TMEM163: variants seen among roughly 807,000 people sequenced by gnomAD.
TMEM163 encodes the protein transmembrane protein 163.
Under a neutral mutation model 29.3 loss-of-function variants are expected in TMEM163, and 17 were observed. The ratio of observed to expected loss-of-function variants is 0.58; its 90% CI spans 0.40 to 0.87. The LOEUF (loss-of-function observed/expected upper bound fraction) is 0.87. Among genes scored for constraint, TMEM163 ranks in the 40% least tolerant of loss-of-function variants. The pLI, the probability that TMEM163 is intolerant of heterozygous loss-of-function variation, is 0.00. For missense variants in TMEM163, 303 were observed against 381.5 expected, an observed-to-expected ratio of 0.79 and a Z score of 1.71; for synonymous variants, 157 against 160.6, an observed-to-expected ratio of 0.98 and a Z score of 0.17.
At chr2:134,513,694 T>C (rs1168558173) in intron 4 of TMEM163, among the ~76,000 whole-genome samples, 1 of 152,166 alleles carries the variant, frequency 6.6e-6, no homozygotes, top group Non-Finnish European at 1.5e-5. Context: ...TCCCGCTTCA[T>C]GGGTAATGGG....
At chr2:134,592,253 A>G (rs537092027) in intron 2 of TMEM163, among the ~76,000 whole-genome samples, 1 of 152,354 alleles carries the variant, frequency 6.6e-6, no homozygotes, top group East Asian at 1.9e-4. Context: ...GAGAATAGAT[A>G]GTAAAAGTCT....
intron 5 of TMEM163, among the ~76,000 whole-genome samples, chr2:134,488,637 T>C (rs1679365925): frequency 6.6e-6 from 1 of 152,168 alleles, no homozygotes; most frequent in Non-Finnish European, 1.5e-5. Flanking sequence ...TAGCATGTGA[T>C]CATGTGAGTC....
At chr2:134,673,411 A>G (rs574231878) in intron 2 of TMEM163, among the ~76,000 whole-genome samples, 1 of 152,226 alleles carries the variant, frequency 6.6e-6, no homozygotes, top group African/African-American at 2.4e-5. Context: ...AATGCAGAAA[A>G]CTGTGCTGTT....
chr2:134,642,815 AC>A (rs1322276530), intron 2 of TMEM163, among the ~76,000 whole-genome samples: 1 of 152,210 alleles, frequency 6.6e-6, no homozygotes, highest in Non-Finnish European at 1.5e-5. Flanking sequence ...TACAAATGCA[AC>A]AAAAATGAAA....
intron 2 of TMEM163, among the ~76,000 whole-genome samples, chr2:134,707,901 T>C (rs1180595195): frequency 6.6e-6 from 1 of 150,472 alleles, no homozygotes; most frequent in East Asian, 1.9e-4. Flanking sequence ...CCAGAACTTT[T>C]TTTTTTTTTT....
At chr2:134,456,902 G>T in intron 7 of TMEM163, 126 bp from the exon 8 acceptor site, 1 of 931,082 alleles carries the variant, frequency 1.1e-6, no homozygotes, top group Non-Finnish European at 1.7e-6. Context: ...ATGTGGCTCG[G>T]TGGTTTTTAG....
At chr2:134,626,848 T>C (rs1204098912) in intron 2 of TMEM163, among the ~76,000 whole-genome samples, 2 of 152,206 alleles carry the variant, frequency 1.3e-5, no homozygotes, top group African/African-American at 4.8e-5. Context: ...AATGCTGAAA[T>C]AGAAAACTAT....
At chr2:134,471,279 A>C (rs977819814) in intron 5 of TMEM163, among the ~76,000 whole-genome samples, 2 of 152,212 alleles carry the variant, frequency 1.3e-5, no homozygotes, top group African/African-American at 4.8e-5. Context: ...GTATTTGGAG[A>C]GGGGGCCTTT....
intron 4 of TMEM163, among the ~76,000 whole-genome samples, chr2:134,529,674 A>G (rs984996773): frequency 4.0e-5 from 6 of 151,116 alleles, no homozygotes; most frequent in African/African-American, 1.5e-4. Flanking sequence ...AATCACTTGA[A>G]CCCAGGAGGC....
rs1296253181 is a variant in TMEM163, at chr2:134,718,898, T to A, written c.38A>T (p.Gln13Leu). 1.8e-6 allele frequency: 2 copies of A among 1,085,478 alleles called. No individual in the cohort carries two copies. Among genetic ancestry groups the A allele is most frequent in the East Asian group, 6.1e-5 (1 of 16,416 alleles). The allele number at this position is 1,085,478 out of a possible 1,614,324, so 67.2% of individuals were successfully genotyped here. The change falls in exon 1 of 8, where the codon CAG becomes CTG. Residue 13 changes from glutamine to leucine, a missense_variant. By Grantham distance (113) the Gln-to-Leu change is moderately radical (BLOSUM62 -2). Transcript: ENST00000281924. Reference sequence around the variant, plus strand: ...GGGCGGCGGCGGGACGGTGGGCCCCTGGGAGCTGCGGCGCTGGATGCCCGC... The same window carrying A: ...GGGCGGCGGCGGGACGGTGGGCCCCAGGGAGCTGCGGCGCTGGATGCCCGC... ...PAAGIQRRSS[Q>L]GPTVPPPPRG... is the part of the protein sequence containing the mutation.
chr2:134,504,434 A>G (rs563744602), intron 4 of TMEM163, among the ~76,000 whole-genome samples: 2 of 151,124 alleles, frequency 1.3e-5, no homozygotes, highest in East Asian at 2.0e-4. Context: ...ATCACCCCCC[A>G]AGGGACACAG....
intron 5 of TMEM163, chr2:134,468,273 T>C (rs530502): frequency 0.65 from 98,705 of 151,928 alleles, 35,130 homozygotes; most frequent in East Asian, 0.98. Flanking sequence ...ATAAAAGAGG[T>C]CCCATAGTGC....
At chr2:134,495,844 A>G (rs1679542310) in intron 5 of TMEM163, among the ~76,000 whole-genome samples, 1 of 152,174 alleles carries the variant, frequency 6.6e-6, no homozygotes, top group East Asian at 1.9e-4. Context: ...ATCCATACAA[A>G]AAAAGTAATT....
intron 2 of TMEM163, among the ~76,000 whole-genome samples, chr2:134,591,452 T>C (rs1206740622): frequency 6.6e-6 from 1 of 152,194 alleles, no homozygotes; most frequent in Admixed American, 6.5e-5. Flanking sequence ...GCCAGGTCTT[T>C]ATGACCTGTA....
chr2:134,619,407 G>A (rs1481525961), intron 2 of TMEM163, among the ~76,000 whole-genome samples: 2 of 152,124 alleles, frequency 1.3e-5, no homozygotes, highest in Admixed American at 1.3e-4. Context: ...TATACACGAC[G>A]AGTAAAAGAG....
At chr2:134,464,821 C>T (rs562265331) in intron 6 of TMEM163, among the ~76,000 whole-genome samples, 1 of 152,280 alleles carries the variant, frequency 6.6e-6, no homozygotes, top group Non-Finnish European at 1.5e-5. Context: ...TGGGCCAGAG[C>T]TCTGTCCCAG....
intron 4 of TMEM163, among the ~76,000 whole-genome samples, chr2:134,535,040 A>T (rs1199030392): frequency 1.3e-5 from 2 of 152,142 alleles, no homozygotes. Context: ...ACCTCACACC[A>T]CTACTATTTT....
intron 2 of TMEM163, among the ~76,000 whole-genome samples, chr2:134,558,744 C>G (rs1265497172): frequency 6.6e-6 from 1 of 152,122 alleles, no homozygotes; most frequent in Non-Finnish European, 1.5e-5. Context: ...GGATTTGCAG[C>G]AAAAATGAGG....
chr2:134,476,219 T>C (rs984784750), intron 5 of TMEM163, among the ~76,000 whole-genome samples: 2 of 152,096 alleles, frequency 1.3e-5, no homozygotes, highest in African/African-American at 4.8e-5. Flanking sequence ...TAAAAGAAGA[T>C]AGACACAAGA....
Sources: allele counts gnomAD v4.1 joint callset (sites outside exome capture counted in the v4.1 genomes callset), GRCh38; gene constraint gnomAD v4.1.1; transcripts MANE v1.5; gene names NCBI Gene and HGNC (gene_info 2026-07-23, HGNC 2026-07-21).